The following CNTNAP2 variants were observed in gnomAD, a reference collection of about 807,000 sequenced individuals.
CNTNAP2 encodes the protein contactin-associated protein-like 2.
CNTNAP2 carries 98 observed loss-of-function variants against 155.2 expected under a neutral mutation model. The observed-to-expected ratio is 0.63, with a 90% CI of 0.54 to 0.75. The LOEUF (loss-of-function observed/expected upper bound fraction) is 0.75, where lower values mean the gene tolerates loss of function less well. Among genes scored for constraint, CNTNAP2 ranks in the 30% least tolerant of loss-of-function variants. The probability of loss-of-function intolerance (pLI) is 0.00; values close to 1 mark genes in which losing one functional copy is unlikely to be tolerated. For synonymous variants in CNTNAP2, 651 were observed against 631.2 expected, an observed-to-expected ratio of 1.03 and a Z score of -0.47; for missense variants, 1,727 against 1,688.1, an observed-to-expected ratio of 1.02 and a Z score of -0.40.
At chr7:147,632,199 C>T (rs1795097630) in intron 12 of CNTNAP2, among the ~76,000 whole-genome samples, 1 of 152,082 alleles carries the variant, frequency 6.6e-6, no homozygotes, top group Admixed American at 6.6e-5. Flanking sequence ...AGAAGATGTA[C>T]AAATGGACAA....
At chr7:146,235,806 G>A (rs1199474583) in intron 1 of CNTNAP2, among the ~76,000 whole-genome samples, 3 of 152,062 alleles carry the variant, frequency 2.0e-5, no homozygotes, top group African/African-American at 7.2e-5. Context: ...GGCCCAAGTT[G>A]AAGGGAGCTG....
At chr7:147,685,857 T>C (rs1796009653) in intron 13 of CNTNAP2, among the ~76,000 whole-genome samples, 1 of 151,870 alleles carries the variant, frequency 6.6e-6, no homozygotes, top group South Asian at 2.1e-4. Flanking sequence ...TGGGGAAGAT[T>C]GCTCCAGGTT....
At chr7:148,370,586 C>T (rs1798869247) in intron 21 of CNTNAP2, among the ~76,000 whole-genome samples, 1 of 152,176 alleles carries the variant, frequency 6.6e-6, no homozygotes, top group African/African-American at 2.4e-5. Context: ...CACAGTGCCA[C>T]ACAGAACAGG....
At chr7:148,322,939 C>T (rs1797820982) in intron 21 of CNTNAP2, among the ~76,000 whole-genome samples, 1 of 151,928 alleles carries the variant, frequency 6.6e-6, no homozygotes, top group Admixed American at 6.6e-5. Flanking sequence ...TTCCTGAAAT[C>T]GCCCCAAAAA....
chr7:146,282,144 T>G (rs1321888617), intron 1 of CNTNAP2, among the ~76,000 whole-genome samples: 3 of 152,216 alleles, frequency 2.0e-5, no homozygotes, highest in Non-Finnish European at 4.4e-5. Context: ...ATTTGATAGC[T>G]GGTAGACATG....
At chr7:147,726,047 G>C (rs184517265) in intron 13 of CNTNAP2, among the ~76,000 whole-genome samples, 56 of 151,708 alleles carry the variant, frequency 3.7e-4, no homozygotes, top group Middle Eastern at 3.4e-3. Context: ...GTATAAAAAG[G>C]CATCTAAAAT....
Position 146,234,319 on chromosome 7 carries a change from T to G in CNTNAP2, c.97+117346T>G, listed in dbSNP as rs186637739. Among the ~76,000 whole-genome samples the G allele has an allele frequency of 7.1e-3, 1,081 of 152,346 alleles. 19 individuals carry two copies. Among genetic ancestry groups the G allele is most frequent in the African/African-American group, 0.024 (1,018 of 41,580 alleles). Reference sequence around the variant, plus strand: ...CCCACTTTTTGATGGGGTTGTTTTTTTCTTGTAAATTTGTTTGAGTTCATT... The same window carrying G: ...CCCACTTTTTGATGGGGTTGTTTTTGTCTTGTAAATTTGTTTGAGTTCATT... On this transcript the variant is annotated intron_variant, in intron 1 of 23. Coordinates refer to ENST00000361727, the MANE Select transcript of CNTNAP2 (RefSeq NM_014141.6).
At chr7:148,176,005 G>C (rs1794927311) in intron 18 of CNTNAP2, among the ~76,000 whole-genome samples, 1 of 151,918 alleles carries the variant, frequency 6.6e-6, no homozygotes, top group African/African-American at 2.4e-5. Context: ...GGAGTGTATA[G>C]TTGAATATGT....
At chr7:147,102,375 A>G (rs1800675481) in intron 4 of CNTNAP2, among the ~76,000 whole-genome samples, 1 of 151,674 alleles carries the variant, frequency 6.6e-6, no homozygotes, top group Non-Finnish European at 1.5e-5. Flanking sequence ...GCCCAGAGAA[A>G]GAATTATATG....
intron 8 of CNTNAP2, among the ~76,000 whole-genome samples, chr7:147,261,550 T>G (rs922622197): frequency 4.1e-5 from 6 of 146,388 alleles, no homozygotes; most frequent in Non-Finnish European, 6.1e-5. Context: ...TGGTAAGGGA[T>G]ACTTTAAAAA....
At chr7:147,759,489 A>C (rs1242337808) in intron 13 of CNTNAP2, among the ~76,000 whole-genome samples, 1 of 152,200 alleles carries the variant, frequency 6.6e-6, no homozygotes, top group Non-Finnish European at 1.5e-5. Context: ...AAGAATGCCT[A>C]CTATTCATTG....
intron 13 of CNTNAP2, among the ~76,000 whole-genome samples, chr7:147,715,851 C>A (rs796380440): frequency 2.6e-5 from 4 of 152,172 alleles, no homozygotes; most frequent in African/African-American, 7.2e-5. Flanking sequence ...CATCTATGGT[C>A]CATTTTTAGT....
intron 1 of CNTNAP2, among the ~76,000 whole-genome samples, chr7:146,650,043 G>C (rs890521154): frequency 1.3e-5 from 2 of 152,100 alleles, no homozygotes; most frequent in Non-Finnish European, 2.9e-5. Flanking sequence ...GGAGAAATAG[G>C]AACACTTTTA....
chr7:147,545,156 A>T lies in CNTNAP2; in HGVS notation c.1778-16982A>T, dbSNP rs1030658623. ...ATTATTACTGGATTTACTTTTTCTT[A>T]AATTTTTAAGATAAAAATATTCCCT... On this transcript the variant is annotated intron_variant, in intron 11 of 23. Transcript: ENST00000361727. Among the ~76,000 whole-genome samples, 5 of 152,256 alleles carry T rather than the reference A, an allele frequency of 3.3e-5. No homozygotes were observed. The South Asian group carries it at 6.2e-4, about 19-fold the overall frequency.
At chr7:147,613,103 A>G (rs1431648955) in intron 12 of CNTNAP2, among the ~76,000 whole-genome samples, 8 of 152,202 alleles carry the variant, frequency 5.3e-5, no homozygotes, top group Admixed American at 5.2e-4. Context: ...ATTTTCCAAA[A>G]TAGCTCCAAG....
intron 13 of CNTNAP2, among the ~76,000 whole-genome samples, chr7:147,851,723 A>G (rs1198016516): frequency 7.0e-6 from 1 of 142,068 alleles, no homozygotes; most frequent in East Asian, 2.3e-4. Context: ...GAACACTTGG[A>G]CACAGGAAGG....
Position 146,116,816 on chromosome 7 carries a change from G to C in CNTNAP2, c.-61G>C. On this transcript the variant is annotated 5_prime_UTR_variant, in exon 1 of 24. Coordinates refer to ENST00000361727, the MANE Select transcript of CNTNAP2 (RefSeq NM_014141.6). This position sits in a 1 kb window ranked among gnomAD's most constrained non-coding sequence, Gnocchi z 5.5. ...GCCCATCTCCCTTCAAGAACCCTACGGAGAGTCGGACTGCATCTCCGCAGC... is the reference window on the plus strand; with the variant it reads ...GCCCATCTCCCTTCAAGAACCCTACCGAGAGTCGGACTGCATCTCCGCAGC... 3.0e-6 allele frequency: 4 copies of C among 1,351,416 alleles called. No individual in the cohort carries two copies. The highest frequency in any genetic ancestry group is 4.1e-6 in the Non-Finnish European group (4 of 980,316). The allele number at this position is 1,351,416 out of a possible 1,614,324, so 83.7% of individuals were successfully genotyped here.
At chr7:148,201,366 T>C (rs1190524236) in intron 18 of CNTNAP2, among the ~76,000 whole-genome samples, 1 of 152,242 alleles carries the variant, frequency 6.6e-6, no homozygotes, top group Non-Finnish European at 1.5e-5. Flanking sequence ...GCTTGCTCTT[T>C]ATGTTTGAAC....
At chr7:147,094,938 A>C (rs2129274784) in intron 4 of CNTNAP2, among the ~76,000 whole-genome samples, 1 of 152,262 alleles carries the variant, frequency 6.6e-6, no homozygotes, top group East Asian at 1.9e-4. Flanking sequence ...TTGGTATCTG[A>C]TGAGGGTCCA....
Sources: allele counts gnomAD v4.1 joint callset (sites outside exome capture counted in the v4.1 genomes callset), GRCh38; gene constraint gnomAD v4.1.1; non-coding constraint Gnocchi (gnomAD v3.1); transcripts MANE v1.5; gene names NCBI Gene and HGNC (gene_info 2026-07-23, HGNC 2026-07-21).